Variants in GGNBP2 observed in about 807,000 individuals in gnomAD.
GGNBP2 encodes gametogenetin-binding protein 2.
GGNBP2 carries 10 observed loss-of-function variants against 85.9 expected under a neutral mutation model. The ratio of observed to expected loss-of-function variants is 0.12; its 90% CI spans 0.07 to 0.20. The LOEUF (loss-of-function observed/expected upper bound fraction) is 0.20. Among genes scored for constraint, GGNBP2 ranks in the 10% least tolerant of loss-of-function variants. The pLI is 1.00. For synonymous variants in GGNBP2, 287 were observed against 285.7 expected (o/e 1.00, Z -0.05); for missense variants, 595 against 857.8 (o/e 0.69, Z 3.83).
At position 36,589,782 on chromosome 17, in the gene GGNBP2, G is replaced by A. The variant is rs998080144; in HGVS notation, c.*371G>A. 1.9e-5 allele frequency: 4 copies of A among 207,730 alleles called. No homozygotes were observed. The highest frequency in any genetic ancestry group is 3.9e-5 in the Non-Finnish European group (4 of 103,796). 12.9% of individuals were successfully genotyped at this position (207,730 alleles called of 1,614,324 possible). On this transcript the variant is annotated 3_prime_UTR_variant, in exon 14 of 14. Coordinates refer to ENST00000613102, the MANE Select transcript of GGNBP2 (RefSeq NM_024835.5). The stretch of plus-strand genomic sequence containing the variant: ...TAGACATCCACTTGCAAAATGTTTG[G>A]ATGTAATGTTAAAGCGCAATGTGCA...
intron 6 of GGNBP2, 25 bp from the exon 7 acceptor site, chr17:36,577,958 A>T: frequency 6.3e-7 from 1 of 1,581,532 alleles, no homozygotes; most frequent in Non-Finnish European, 8.7e-7. Flanking sequence ...CCATTTCTTA[A>T]TTTTAAGGTT....
At chr17:36,574,806 T>G (rs1314250335) in intron 6 of GGNBP2, 1 of 666,228 alleles carries the variant, frequency 1.5e-6, no homozygotes, top group Non-Finnish European at 2.7e-6. Flanking sequence ...CAAGGGATGG[T>G]GTGGGGCTTG....
At chr17:36,574,903 C>T (rs1555607442) in intron 6 of GGNBP2, 2 of 854,528 alleles carry the variant, frequency 2.3e-6, no homozygotes, top group African/African-American at 1.7e-5. Context: ...CAGTGGCCAC[C>T]TCCTTGGAGC....
intron 2 of GGNBP2, among the ~76,000 whole-genome samples, chr17:36,553,639 C>T (rs948947790): frequency 6.6e-6 from 1 of 152,054 alleles, no homozygotes; most frequent in Admixed American, 6.6e-5. Flanking sequence ...GTTTGTGGTC[C>T]TTGTTATGTG....
intron 1 of GGNBP2, 73 bp from the exon 2 acceptor site, chr17:36,545,546 C>T: frequency 3.5e-6 from 2 of 571,772 alleles, no homozygotes; most frequent in Non-Finnish European, 6.3e-6. Flanking sequence ...CCTCCCGCTC[C>T]GCTCCCTGCC....
intron 4 of GGNBP2, 42 bp from the exon 5 acceptor site, chr17:36,560,731 G>A (rs2074408960): frequency 8.9e-7 from 1 of 1,128,930 alleles, no homozygotes; most frequent in Non-Finnish European, 1.3e-6. Context: ...AAATTTGAAA[G>A]TAAAATGAAT....
At chr17:36,548,646 A>G (rs1242217884) in intron 2 of GGNBP2, among the ~76,000 whole-genome samples, 1 of 133,510 alleles carries the variant, frequency 7.5e-6, no homozygotes, top group African/African-American at 2.8e-5. Flanking sequence ...AAAAAAAAAA[A>G]AAAAAAGTAG....
At chr17:36,556,472 G>C (rs985166970) in intron 3 of GGNBP2, among the ~76,000 whole-genome samples, 1 of 152,198 alleles carries the variant, frequency 6.6e-6, no homozygotes, top group Non-Finnish European at 1.5e-5. Context: ...TTGGGAGGCT[G>C]AGGCGGGTGG....
intron 6 of GGNBP2, chr17:36,574,648 G>A (rs1173449307): frequency 1.7e-6 from 1 of 585,226 alleles, no homozygotes; most frequent in South Asian, 2.0e-5. Flanking sequence ...TACCCAGGGC[G>A]GCAGTGTAGC....
At chr17:36,553,416 A>G (rs1301220729) in intron 2 of GGNBP2, among the ~76,000 whole-genome samples, 8 of 152,100 alleles carry the variant, frequency 5.3e-5, no homozygotes, top group Admixed American at 5.2e-4. Flanking sequence ...CTTAGCTGTT[A>G]ATGAGGCCTC....
At chr17:36,558,353 T>TG (rs1326290761) in intron 4 of GGNBP2, among the ~76,000 whole-genome samples, 1 of 127,306 alleles carries the variant, frequency 7.9e-6, no homozygotes, top group Non-Finnish European at 1.6e-5. Flanking sequence ...AGGCGGCAGT[T>TG]GCAGTGAGCT....
At chr17:36,575,208 C>T (rs776904919) in intron 6 of GGNBP2, 41 of 641,032 alleles carry the variant, frequency 6.4e-5, no homozygotes, top group Non-Finnish European at 1.0e-4. Flanking sequence ...CGGCCTCAGC[C>T]GCGGCCTCAG....
chr17:36,545,377 C>T (rs2074239362), intron 1 of GGNBP2: 3 of 258,270 alleles, frequency 1.2e-5, no homozygotes. Context: ...CCTTCCGCCT[C>T]TCCTTTGGAC....
chr17:36,589,668 T>A lies in GGNBP2; in HGVS notation c.*257T>A, dbSNP rs2074739400. 1 of 489,770 alleles carries A rather than the reference T, an allele frequency of 2.0e-6. No homozygotes were observed. Among genetic ancestry groups the A allele is most frequent in the South Asian group, 3.2e-5 (1 of 31,298 alleles). 30.3% of individuals were successfully genotyped at this position (489,770 alleles called of 1,614,324 possible). ...TTAAATGTTTCTCTTCCTGTGAGAC[T>A]TACTAAAGCAACTTAGTGGCAAAAA... On this transcript the variant is annotated 3_prime_UTR_variant, in exon 14 of 14. Transcript: ENST00000613102.
Position 36,586,675 on chromosome 17 carries a change from G to A in GGNBP2, c.1642-322G>A, listed in dbSNP as rs561233991. ...ACTCTGTCGCCTATACTAGAGTACA[G>A]TGGCATAATCTTGGCTCACTGCAAC... On this transcript the variant is annotated intron_variant, in intron 12 of 13. Coordinates refer to ENST00000613102, the MANE Select transcript of GGNBP2 (RefSeq NM_024835.5). 4.5e-5 allele frequency: 14 copies of A among 308,630 alleles called. No individual in the cohort carries two copies. In the East Asian group the frequency reaches 1.1e-3, roughly 24 times the overall value. 19.1% of individuals were successfully genotyped at this position (308,630 alleles called of 1,614,324 possible).
chr17:36,579,474 T>C, intron 8 of GGNBP2, 55 bp downstream of exon 8: 1 of 1,463,076 alleles, frequency 6.8e-7, no homozygotes, highest in African/African-American at 1.4e-5. Context: ...GTTATTGGAC[T>C]GAATCTTAAT....
chr17:36,581,412 A>T lies in GGNBP2; in HGVS notation c.1089A>T (p.Glu363Asp), dbSNP rs1419379987. 1 of 1,613,786 alleles carries T rather than the reference A, an allele frequency of 6.2e-7. No homozygotes were observed. Reference protein sequence around the residue: ...EQLCEEFSEEERVRELKQEKK... With the variant: ...EQLCEEFSEEDRVRELKQEKK... Reference sequence around the variant, plus strand: ...TTTGTGAGGAATTTTCAGAAGAGGAACGAGTAAGAGAACTCAAGCAAGAAA... The same window carrying T: ...TTTGTGAGGAATTTTCAGAAGAGGATCGAGTAAGAGAACTCAAGCAAGAAA... Residue 363 changes from glutamate to aspartate, a missense_variant, in exon 9 of 14, where the codon GAA becomes GAT. Around this residue, in one of 9 missense-constraint regions of GGNBP2, gnomAD observed 92 missense variants for 183.9 expected, o/e 0.50. Coordinates refer to ENST00000613102, the MANE Select transcript of GGNBP2 (RefSeq NM_024835.5).
chr17:36,551,856 G>A (rs566124695), intron 2 of GGNBP2, among the ~76,000 whole-genome samples: 12 of 152,102 alleles, frequency 7.9e-5, no homozygotes, highest in African/African-American at 2.9e-4. Context: ...AAATCAGCTC[G>A]CAGGTCTCAG....
rs772887992 is a variant in GGNBP2 at position 36,585,438 on chromosome 17, A to C, written c.1354A>C (p.Lys452Gln). Residue 452 changes from lysine (K) to glutamine (Q), a missense_variant, in exon 10 of 14, where the codon AAA (lysine) becomes CAA (glutamine). By Grantham distance (53) the Lys-to-Gln change is moderately conservative (BLOSUM62 1). Around this residue, in one of 9 missense-constraint regions of GGNBP2, gnomAD observed 85 missense variants for 92.6 expected, o/e 0.92. Transcript: ENST00000613102. ...CAGTGGCAATCTTTTGGGGTCCCCT[A>C]AAATAAAGAAAGGTAAGTAAATAAT... ...PSSGNLLGSP[K>Q]IKKGLSPHCN... The C allele has an allele frequency of 1.3e-5, 21 of 1,594,176 alleles. 1 individual carries two copies. In the South Asian group the frequency reaches 2.4e-4, roughly 18 times the overall value.
Sources: gnomAD v4.1 joint callset for allele counts (sites outside exome capture counted in the v4.1 genomes callset) on GRCh38, gnomAD v4.1.1 for gene constraint, gnomAD v4.1.1 regional missense constraint, MANE v1.5 for transcripts, NCBI Gene and HGNC (gene_info 2026-07-23, HGNC 2026-07-21) for gene names.